The following EFCAB13 variants were observed in gnomAD, a reference collection of about 807,000 sequenced individuals.
EFCAB13 encodes EF-hand calcium-binding domain-containing protein 13.
Under a neutral mutation model 110.2 loss-of-function variants are expected in EFCAB13, and 91 were observed. The ratio of observed to expected loss-of-function variants is 0.83; its 90% confidence interval spans 0.70 to 0.98. The LOEUF (loss-of-function observed/expected upper bound fraction) is 0.98. Among genes scored for constraint, EFCAB13 ranks in the 50% least tolerant of loss-of-function variants. The pLI is 0.00. For missense variants in EFCAB13, 968 were observed against 1,119.4 expected (o/e 0.86, Z 1.93); for synonymous variants, 323 against 369.9 (o/e 0.87, Z 1.45).
intron 24 of EFCAB13, among the ~76,000 whole-genome samples, chr17:47,438,977 CTTTCT>C (rs144024560): frequency 3.7e-4 from 56 of 152,178 alleles, no homozygotes; most frequent in African/African-American, 1.3e-3. Context: ...TTCCAAGCTT[CTTTCT>C]TTTATCTCCC....
At chr17:47,335,895 T>C (rs933025695) in intron 5 of EFCAB13, among the ~76,000 whole-genome samples, 1 of 152,090 alleles carries the variant, frequency 6.6e-6, no homozygotes, top group African/African-American at 2.4e-5. Flanking sequence ...TCCCCCAATA[T>C]TGGGGATTAC....
At chr17:47,359,694 AT>A (rs1355198061) in intron 9 of EFCAB13, among the ~76,000 whole-genome samples, 3 of 150,654 alleles carry the variant, frequency 2.0e-5, no homozygotes, top group African/African-American at 4.9e-5. Context: ...TTACATATGT[AT>A]ACATGTGCCA....
intron 18 of EFCAB13, among the ~76,000 whole-genome samples, chr17:47,402,411 A>G (rs2065784107): frequency 6.6e-6 from 1 of 152,224 alleles, no homozygotes; most frequent in African/African-American, 2.4e-5. Context: ...TTACTAACTG[A>G]TAAAGCTGGT....
At chr17:47,365,674 G>C (rs148448334) in intron 10 of EFCAB13, among the ~76,000 whole-genome samples, 1 of 152,106 alleles carries the variant, frequency 6.6e-6, no homozygotes, top group Non-Finnish European at 1.5e-5. Flanking sequence ...GTAAAAGTTG[G>C]TTATATACAA....
intron 14 of EFCAB13, among the ~76,000 whole-genome samples, chr17:47,380,971 C>T (rs2065644549): frequency 6.7e-6 from 1 of 150,068 alleles, no homozygotes; most frequent in Non-Finnish European, 1.5e-5. Context: ...CAACCTTTGC[C>T]TCCTGGGTTC....
chr17:47,359,139 C>G (rs1405554181), intron 9 of EFCAB13, among the ~76,000 whole-genome samples: 3 of 152,084 alleles, frequency 2.0e-5, no homozygotes, highest in Non-Finnish European at 4.4e-5. Context: ...TCGAGACCAG[C>G]CTGGGCAACA....
At chr17:47,341,250 T>C (rs2040389824) in intron 5 of EFCAB13, 1 of 152,126 alleles carries the variant, frequency 6.6e-6, no homozygotes, top group African/African-American at 2.4e-5. Flanking sequence ...TTTTATTGAG[T>C]CCTGATGCAA....
intron 24 of EFCAB13, among the ~76,000 whole-genome samples, chr17:47,433,070 T>G (rs1227300061): frequency 3.3e-5 from 5 of 152,214 alleles, no homozygotes; most frequent in Non-Finnish European, 7.4e-5. Flanking sequence ...CCATGATGCA[T>G]TTAGCTGTCA....
intron 15 of EFCAB13, among the ~76,000 whole-genome samples, chr17:47,392,092 T>TTATTGATAATTGAGTTGATA (rs2065711414): frequency 6.6e-6 from 1 of 152,152 alleles, no homozygotes. Context: ...ATATTGTCTA[T>TTATTGATAATTGAGTTGATA]GAGTTGATAA....
chr17:47,373,042 T>TA, intron 11 of EFCAB13, among the ~76,000 whole-genome samples: 1 of 152,124 alleles, frequency 6.6e-6, no homozygotes, highest in East Asian at 1.9e-4. Flanking sequence ...CATAAACTCT[T>TA]ATAACTTGAC....
intron 17 of EFCAB13, among the ~76,000 whole-genome samples, chr17:47,398,793 T>C (rs2065762742): frequency 6.6e-6 from 1 of 151,514 alleles, no homozygotes; most frequent in African/African-American, 2.4e-5. Context: ...GCCTCCACTA[T>C]TGTCCTATGA....
intron 23 of EFCAB13, among the ~76,000 whole-genome samples, chr17:47,427,710 T>C (rs950317868): frequency 3.9e-5 from 6 of 152,086 alleles, no homozygotes; most frequent in South Asian, 2.1e-4. Flanking sequence ...ATTATGACTA[T>C]CCAAATTAGC....
chr17:47,393,777 A>G (rs1229145779), intron 15 of EFCAB13, among the ~76,000 whole-genome samples: 2 of 151,048 alleles, frequency 1.3e-5, no homozygotes, highest in Non-Finnish European at 2.9e-5. Flanking sequence ...AATAAAAGTT[A>G]AAAATATTAT....
At chr17:47,368,631 G>T (rs1183577145) in intron 10 of EFCAB13, among the ~76,000 whole-genome samples, 3 of 152,158 alleles carry the variant, frequency 2.0e-5, no homozygotes, top group Non-Finnish European at 1.5e-5. Flanking sequence ...ATGAACCTCA[G>T]TTGTAGCACC....
chr17:47,417,658 T>C (rs962329416), intron 23 of EFCAB13, among the ~76,000 whole-genome samples: 2 of 152,232 alleles, frequency 1.3e-5, no homozygotes, highest in Non-Finnish European at 2.9e-5. Flanking sequence ...AATAGTCATA[T>C]CTTGAAACCT....
chr17:47,371,067 T>G (rs1413826043), intron 11 of EFCAB13, among the ~76,000 whole-genome samples: 53 of 150,446 alleles, frequency 3.5e-4, no homozygotes, highest in African/African-American at 1.1e-3. Context: ...TGGTTGTTTT[T>G]TTTTTTTTTT....
intron 12 of EFCAB13, among the ~76,000 whole-genome samples, chr17:47,376,259 C>G (rs558964363): frequency 2.0e-4 from 30 of 152,246 alleles, no homozygotes; most frequent in Admixed American, 2.0e-3. Flanking sequence ...GATTCTGATT[C>G]CTTTACCAAT....
intron 12 of EFCAB13, 47 bp from the exon 13 acceptor site, chr17:47,377,719 C>G: frequency 6.8e-7 from 1 of 1,463,752 alleles, no homozygotes; most frequent in Non-Finnish European, 9.1e-7. Context: ...TTGCTTTTGA[C>G]ACATAAATTC....
At chr17:47,351,304 T>TGTGTGTGTGTGCGCGCGCGC (rs1280645583) in intron 9 of EFCAB13, among the ~76,000 whole-genome samples, 1 of 122,980 alleles carries the variant, frequency 8.1e-6, no homozygotes, top group Non-Finnish European at 1.9e-5. Context: ...TGTGTGTGTG[T>TGTGTGTGTGTGCGCGCGCGC]GCGCGCGCGC....
Sources: gnomAD v4.1 joint callset for allele counts (sites outside exome capture counted in the v4.1 genomes callset) on GRCh38, gnomAD v4.1.1 for gene constraint, MANE v1.5 for transcripts, NCBI Gene and HGNC (gene_info 2026-07-23, HGNC 2026-07-21) for gene names.